AGMO: variants seen among roughly 807,000 people sequenced by gnomAD.
The protein encoded by AGMO is glyceryl-ether monooxygenase.
AGMO carries 75 observed loss-of-function variants against 60.2 expected under a neutral mutation model. The ratio of observed to expected loss-of-function variants is 1.25; its 90% CI spans 1.03 to 1.51. The LOEUF (loss-of-function observed/expected upper bound fraction) is 1.51. Ranked by LOEUF, AGMO falls within the 40% of genes most tolerant of loss-of-function variation. The pLI is 0.00. For synonymous variants in AGMO, 261 were observed against 177.1 expected, an observed-to-expected ratio of 1.47 and a Z score of -3.76; for missense variants, 763 against 525.5, an observed-to-expected ratio of 1.45 and a Z score of -4.42.
intron 12 of AGMO, among the ~76,000 whole-genome samples, chr7:15,321,230 G>A (rs1268058473): frequency 6.6e-6 from 1 of 152,084 alleles, no homozygotes. Context: ...ACACTTTTCT[G>A]CTATATACAC....
At chr7:15,388,459 G>A (rs998717218) in intron 8 of AGMO, among the ~76,000 whole-genome samples, 1 of 152,190 alleles carries the variant, frequency 6.6e-6, no homozygotes, top group African/African-American at 2.4e-5. Context: ...GTGCGTAGAA[G>A]TTATAATGTA....
intron 12 of AGMO, among the ~76,000 whole-genome samples, chr7:15,354,317 TGTATATACGTACGC>T (rs1782372291): frequency 1.2e-5 from 1 of 81,652 alleles, no homozygotes; most frequent in Non-Finnish European, 2.3e-5. Context: ...TATACACGCG[TGTATATACGTACGC>T]GTGTATATAC....
At chr7:15,312,252 T>C (rs1206628767) in intron 12 of AGMO, among the ~76,000 whole-genome samples, 2 of 151,938 alleles carry the variant, frequency 1.3e-5, no homozygotes, top group African/African-American at 4.8e-5. Context: ...AAAAATACAA[T>C]TTAATAGCTT....
At chr7:15,405,417 T>C (rs1378951601) in intron 5 of AGMO, among the ~76,000 whole-genome samples, 1 of 151,946 alleles carries the variant, frequency 6.6e-6, no homozygotes, top group Non-Finnish European at 1.5e-5. Flanking sequence ...ACATTCAGTC[T>C]AATGCTTGTT....
At chr7:15,335,773 A>G (rs76810089) in intron 12 of AGMO, among the ~76,000 whole-genome samples, 16,675 of 152,242 alleles carry the variant, frequency 0.11, 1,030 homozygotes, top group Admixed American at 0.19. Context: ...CACGGTAGCA[A>G]TGTACACACT....
At chr7:15,320,812 G>C (rs1231913083) in intron 12 of AGMO, among the ~76,000 whole-genome samples, 1 of 151,982 alleles carries the variant, frequency 6.6e-6, no homozygotes, top group Non-Finnish European at 1.5e-5. Flanking sequence ...TTCTAAACAA[G>C]GACCTCAAGT....
the AGMO span, among the ~76,000 whole-genome samples, chr7:15,127,488 G>C: frequency 6.6e-6 from 1 of 151,994 alleles, no homozygotes; most frequent in Non-Finnish European, 1.5e-5. Flanking sequence ...TTGACATTGA[G>C]AGCAAGCTTA....
intron 12 of AGMO, among the ~76,000 whole-genome samples, chr7:15,253,632 T>C (rs1783011644): frequency 6.6e-6 from 1 of 152,160 alleles, no homozygotes; most frequent in Non-Finnish European, 1.5e-5. Context: ...GTCTACATGG[T>C]ATAAAGATCA....
intron 12 of AGMO, among the ~76,000 whole-genome samples, chr7:15,245,387 G>T (rs1782711562): frequency 6.6e-6 from 1 of 152,148 alleles, no homozygotes; most frequent in Non-Finnish European, 1.5e-5. Flanking sequence ...GCCTAAGCTA[G>T]TCTAATTGGC....
chr7:15,236,271 A>G (rs1782416378), intron 12 of AGMO, among the ~76,000 whole-genome samples: 1 of 152,160 alleles, frequency 6.6e-6, no homozygotes, highest in Non-Finnish European at 1.5e-5. Context: ...ACAAGATTTT[A>G]TATAGTAAGA....
At chr7:15,153,941 G>A in the AGMO span, among the ~76,000 whole-genome samples, 1 of 152,014 alleles carries the variant, frequency 6.6e-6, no homozygotes, top group Admixed American at 6.6e-5. Flanking sequence ...TGGCAATACA[G>A]TCATTTTCAC....
chr7:15,473,979 G>C (rs1166482800), intron 3 of AGMO, among the ~76,000 whole-genome samples: 1 of 151,988 alleles, frequency 6.6e-6, no homozygotes, highest in African/African-American at 2.4e-5. Context: ...AAATACCTAG[G>C]AATACAATCT....
rs148436729 is a variant in AGMO at position 15,428,029 on chromosome 7, C to G, written c.513+2976G>C. 5.1e-3 allele frequency among the ~76,000 whole-genome samples: 768 copies of G among 152,078 alleles called. 6 individuals are homozygous for G. The highest frequency in any genetic ancestry group is 0.018 in the African/African-American group (728 of 41,514). ...GTGAAATGAGCTTAATTTCACATTT[C>G]ATTTCACAGATCAATTTTCTTTTCA... On this transcript the variant is annotated intron_variant, in intron 4 of 12. Transcript: ENST00000342526.
intron 12 of AGMO, among the ~76,000 whole-genome samples, chr7:15,278,837 C>T (rs532076690): frequency 5.3e-5 from 8 of 152,230 alleles, no homozygotes; most frequent in African/African-American, 1.9e-4. Flanking sequence ...AGAGGAACAC[C>T]AGGCTGCAGC....
intron 2 of AGMO, among the ~76,000 whole-genome samples, chr7:15,559,762 T>C (rs1785250460): frequency 6.6e-6 from 1 of 152,068 alleles, no homozygotes; most frequent in South Asian, 2.1e-4. Context: ...ATTGTAGTTA[T>C]TCAGAGATTT....
intron 12 of AGMO, among the ~76,000 whole-genome samples, chr7:15,353,430 T>G (rs912670864): frequency 6.6e-6 from 1 of 152,196 alleles, no homozygotes; most frequent in Non-Finnish European, 1.5e-5. Context: ...CTTATGATGT[T>G]AAACTAAATT....
intron 2 of AGMO, among the ~76,000 whole-genome samples, chr7:15,547,535 C>T (rs542866277): frequency 0.012 from 1,849 of 152,056 alleles, 26 homozygotes; most frequent in African/African-American, 0.042. Context: ...GTTCCCTTTC[C>T]GAGTCAAAGA....
At chr7:15,465,690 C>T (rs1473541136) in intron 3 of AGMO, among the ~76,000 whole-genome samples, 1 of 151,198 alleles carries the variant, frequency 6.6e-6, no homozygotes, top group Non-Finnish European at 1.5e-5. Context: ...AAGCAATCGT[C>T]TCTCCTCAGC....
chr7:15,218,565 T>TA (rs764072238), intron 12 of AGMO, among the ~76,000 whole-genome samples: 5,287 of 152,074 alleles, frequency 0.035, 118 homozygotes, highest in Non-Finnish European at 0.053. Context: ...AATCTTAAAA[T>TA]ATATTAACTC....
Sources: gnomAD v4.1 joint callset for allele counts (sites outside exome capture counted in the v4.1 genomes callset) on GRCh38, gnomAD v4.1.1 for gene constraint, MANE v1.5 for transcripts, NCBI Gene and HGNC (gene_info 2026-07-23, HGNC 2026-07-21) for gene names.